The following DMD variants were observed in gnomAD, a reference collection of about 807,000 sequenced individuals.
DMD encodes the protein dystrophin, also known as mutant dystrophin.
A neutral mutation model predicts 330.1 loss-of-function variants in DMD; 63 were observed. The ratio of observed to expected loss-of-function variants is 0.19; its 90% CI spans 0.16 to 0.24. DMD has a LOEUF of 0.24. DMD is among the 10% of genes least tolerant of loss of function. DMD has a pLI of 1.00. For synonymous variants in DMD, 1,223 were observed against 959.8 expected (o/e 1.27, Z -5.07); for missense variants, 3,344 against 2,684.1 (o/e 1.25, Z -5.43).
chrX:33,183,977 AC>A (rs2050124819), intron 1 of DMD, among the ~76,000 whole-genome samples: 1 of 111,524 alleles, frequency 9.0e-6, no homozygotes, highest in African/African-American at 3.3e-5. Flanking sequence ...AGGTACAATA[AC>A]TGATGTACAA....
intron 55 of DMD, among the ~76,000 whole-genome samples, chrX:31,604,346 G>C (rs1431292944): frequency 9.0e-6 from 1 of 111,303 alleles, no homozygotes; most frequent in Non-Finnish European, 1.9e-5. Flanking sequence ...CTGATAAGTG[G>C]ATTCAATGAT....
intron 18 of DMD, among the ~76,000 whole-genome samples, chrX:32,513,013 T>C (rs1479382953): frequency 8.9e-6 from 1 of 112,111 alleles, no homozygotes; most frequent in East Asian, 2.8e-4. Context: ...GTCACATTAA[T>C]GAAGATGAGG....
At chrX:32,073,301 C>T (rs958222580) in intron 44 of DMD, among the ~76,000 whole-genome samples, 3 of 111,392 alleles carry the variant, frequency 2.7e-5, no homozygotes, top group Non-Finnish European at 3.8e-5. Flanking sequence ...TTCACTAGGG[C>T]GTCATTTGGC....
At chrX:31,973,209 C>T (rs2095412195) in intron 44 of DMD, among the ~76,000 whole-genome samples, 1 of 108,596 alleles carries the variant, frequency 9.2e-6, no homozygotes, top group Non-Finnish European at 1.9e-5. Flanking sequence ...GTGGGAGCAC[C>T]TGAGGATAGT....
Position 31,478,230 on chromosome X carries a change from T to A in DMD, c.8813A>T (p.Glu2938Val), listed in dbSNP as rs1485865813. ...KIDETLERLR[E>V]LQEATDELDL... ...CAGCTCATCCGTGGCCTCTTGAAGT[T>A]CCCGGAGTCTTTCAAGGGTCTCATC... The change falls in exon 59 of 79, where the codon GAA becomes GTA. Residue 2938 changes from glutamate to valine, a missense_variant. Transcript: ENST00000357033. 1 of 1,211,190 alleles carries A rather than the reference T, an allele frequency of 8.3e-7. No individual in the cohort carries two copies. The highest frequency in any genetic ancestry group is 3.0e-5 in the East Asian group (1 of 33,794).
chrX:31,673,909 T>G (rs2081947282), intron 53 of DMD, among the ~76,000 whole-genome samples: 1 of 112,013 alleles, frequency 8.9e-6, no homozygotes, highest in Non-Finnish European at 1.9e-5. Context: ...AAGAGTTTCA[T>G]GCATACTTTA....
intron 60 of DMD, among the ~76,000 whole-genome samples, chrX:31,433,110 C>A (rs915153664): frequency 1.8e-5 from 2 of 111,928 alleles, no homozygotes; most frequent in African/African-American, 6.5e-5. Flanking sequence ...CATGTGTACC[C>A]AAAGGTTAGC....
intron 51 of DMD, among the ~76,000 whole-genome samples, chrX:31,769,181 A>G (rs1037989602): frequency 1.8e-5 from 2 of 111,964 alleles, no homozygotes; most frequent in Non-Finnish European, 3.8e-5. Context: ...TCTGTGGCAA[A>G]TATTTCAATT....
chrX:31,723,623 AACACACACACAC>A (rs55718177), intron 52 of DMD, among the ~76,000 whole-genome samples: 17 of 77,683 alleles, frequency 2.2e-4, no homozygotes, highest in East Asian at 4.3e-4. Context: ...TATCCTCCAC[AACACACACACAC>A]ACACACACAC....
rs181734072 is a variant in DMD, at chrX:32,258,048, C to T, written c.6290+29481G>A. Among the ~76,000 whole-genome samples the T allele has an allele frequency of 6.8e-3, 752 of 110,819 alleles. 5 individuals carry two copies. Among genetic ancestry groups the T allele is most frequent in the South Asian group, 0.027 (71 of 2,612 alleles). ...CAAAACAAGACATTTATGCAGCCAG[C>T]AAACATATCAAAAAAAGCTCATTAT... is the stretch of plus-strand genomic sequence containing the variant. On this transcript the variant is annotated intron_variant, in intron 43 of 78. Transcript: ENST00000357033.
chrX:32,845,118 A>G (rs777737820), intron 3 of DMD, among the ~76,000 whole-genome samples: 1 of 112,097 alleles, frequency 8.9e-6, no homozygotes, highest in South Asian at 3.8e-4. Flanking sequence ...TCTTCATTCT[A>G]TAGCCCAGTT....
intron 1 of DMD, among the ~76,000 whole-genome samples, chrX:33,180,471 G>A (rs774801226): frequency 1.1e-4 from 12 of 111,004 alleles, no homozygotes; most frequent in Non-Finnish European, 2.3e-4. Context: ...ACAGAGTTTG[G>A]GACCTACAAG....
chrX:31,872,643 G>A (rs2149668815), intron 48 of DMD, among the ~76,000 whole-genome samples: 1 of 111,830 alleles, frequency 8.9e-6, no homozygotes, highest in East Asian at 2.8e-4. Flanking sequence ...AGTAGAATGT[G>A]CTTTTACCGT....
chrX:33,026,418 C>T (rs780482132), intron 1 of DMD, among the ~76,000 whole-genome samples: 170 of 105,537 alleles, frequency 1.6e-3, no homozygotes, highest in Middle Eastern at 0.01. Flanking sequence ...TCTCTGCTTC[C>T]ATCAAACATG....
chrX:33,307,027 C>A (rs1490466275), intron 1 of DMD, among the ~76,000 whole-genome samples: 1 of 111,444 alleles, frequency 9.0e-6, no homozygotes, highest in Non-Finnish European at 1.9e-5. Flanking sequence ...AAATTATATC[C>A]TTTTAATAAC....
intron 62 of DMD, among the ~76,000 whole-genome samples, chrX:31,278,606 G>T (rs2052371625): frequency 8.9e-6 from 1 of 112,067 alleles, no homozygotes; most frequent in African/African-American, 3.2e-5. Context: ...GAAAAACATT[G>T]CTGCTAAAAG....
At chrX:33,200,211 T>C (rs768088029) in intron 1 of DMD, among the ~76,000 whole-genome samples, 12 of 111,684 alleles carry the variant, frequency 1.1e-4, no homozygotes, top group Non-Finnish European at 2.1e-4. Flanking sequence ...TAATTATATG[T>C]TTGTTACAAT....
intron 44 of DMD, among the ~76,000 whole-genome samples, chrX:32,211,692 T>C (rs1468338854): frequency 8.9e-6 from 1 of 111,929 alleles, no homozygotes; most frequent in Non-Finnish European, 1.9e-5. Context: ...TGTCTTAAGG[T>C]CGATTTCAAA....
In DMD at chrX:31,654,874, A is replaced by G. The variant is rs959752630; in HGVS notation, c.8027+3116T>C. Among the ~76,000 whole-genome samples the G allele has an allele frequency of 3.6e-5, 4 of 111,040 alleles. No homozygotes were observed. In the South Asian group the frequency reaches 1.2e-3, roughly 32 times the overall value. ...AGACCCCCATGACACAAGTTTACCT[A>G]TGTAACAAACCTGCACATGTACCCC... On this transcript the variant is annotated intron_variant, in intron 54 of 78. Transcript: ENST00000357033.
Sources: allele counts gnomAD v4.1 joint callset (sites outside exome capture counted in the v4.1 genomes callset), GRCh38; gene constraint gnomAD v4.1.1; transcripts MANE v1.5; gene names NCBI Gene and HGNC (gene_info 2026-07-23, HGNC 2026-07-21).